The following DIP2C variants were observed in gnomAD, a reference collection of about 807,000 sequenced individuals.
DIP2C encodes the protein DIP2 acetate--CoA ligase C (putative), also known as disco-interacting protein 2 homolog C.
DIP2C carries 33 observed loss-of-function variants against 192.4 expected under a neutral mutation model. The observed-to-expected ratio is 0.17, with a 90% CI of 0.13 to 0.23. DIP2C has a LOEUF of 0.23. Among genes scored for constraint, DIP2C ranks in the 10% least tolerant of loss-of-function variants. The pLI is 1.00. For synonymous variants in DIP2C, 979 were observed against 864.1 expected (o/e 1.13, Z -2.33); for missense variants, 1,537 against 2,110.1 (o/e 0.73, Z 5.32).
At chr10:675,772 G>C (rs11253318) in intron 1 of DIP2C, among the ~76,000 whole-genome samples, 1 of 152,086 alleles carries the variant, frequency 6.6e-6, no homozygotes, top group African/African-American at 2.4e-5. Context: ...GTATGACTAA[G>C]TAATAATAAA....
intron 1 of DIP2C, among the ~76,000 whole-genome samples, chr10:585,013 A>G (rs918142903): frequency 6.1e-5 from 9 of 148,674 alleles, no homozygotes; most frequent in Non-Finnish European, 1.2e-4. Flanking sequence ...GGGGCCCGCA[A>G]CCTGGCCCCC....
chr10:621,215 G>A (rs1397079796), intron 1 of DIP2C, among the ~76,000 whole-genome samples: 1 of 152,080 alleles, frequency 6.6e-6, no homozygotes, highest in Non-Finnish European at 1.5e-5. Context: ...ACACCCCCAG[G>A]TGTGCACACA....
chr10:570,300 A>C (rs1252256707), intron 1 of DIP2C, among the ~76,000 whole-genome samples: 2 of 152,136 alleles, frequency 1.3e-5, no homozygotes, highest in East Asian at 1.9e-4. Context: ...CATTTTATGG[A>C]TCAGGAAACA....
At chr10:299,856 C>T (rs1338132080) in intron 32 of DIP2C, among the ~76,000 whole-genome samples, 3 of 152,052 alleles carry the variant, frequency 2.0e-5, no homozygotes, top group Non-Finnish European at 4.4e-5. Context: ...TGTGGAAAAA[C>T]TTGAATAGTC....
At chr10:392,741 CACA>C (rs1963577595) in intron 10 of DIP2C, among the ~76,000 whole-genome samples, 1 of 31,942 alleles carries the variant, frequency 3.1e-5, no homozygotes, top group Admixed American at 3.7e-4. Context: ...CACACGCGCA[CACA>C]CTCACATACA....
chr10:434,077 A>G (rs1369765966), intron 4 of DIP2C, among the ~76,000 whole-genome samples: 1 of 152,180 alleles, frequency 6.6e-6, no homozygotes, highest in African/African-American at 2.4e-5. Flanking sequence ...AGCACACTAT[A>G]AAAACAAAAT....
At chr10:642,283 G>A (rs1377619442) in intron 1 of DIP2C, among the ~76,000 whole-genome samples, 1 of 152,210 alleles carries the variant, frequency 6.6e-6, no homozygotes, top group Non-Finnish European at 1.5e-5. Flanking sequence ...TGGAGGGCAG[G>A]TGAAGGATGC....
chr10:428,181 T>C (rs2133198922), intron 4 of DIP2C, among the ~76,000 whole-genome samples: 1 of 152,294 alleles, frequency 6.6e-6, no homozygotes, highest in Non-Finnish European at 1.5e-5. Context: ...TCTAAGATCA[T>C]AAAAAACTAA....
chr10:441,022 C>G (rs778520915), intron 3 of DIP2C, 26 bp from the exon 4 acceptor site: 1 of 1,603,416 alleles, frequency 6.2e-7, no homozygotes, highest in South Asian at 1.1e-5. Context: ...CTCAGTCACT[C>G]AGTGCTCAGC....
At chr10:625,901 A>G (rs1253984577) in intron 1 of DIP2C, among the ~76,000 whole-genome samples, 7 of 152,232 alleles carry the variant, frequency 4.6e-5, no homozygotes, top group Admixed American at 4.6e-4. Context: ...TGAAACCATG[A>G]GGCTGACCAC....
At chr10:508,795 G>C (rs71489250) in intron 1 of DIP2C, among the ~76,000 whole-genome samples, 225 of 152,282 alleles carry the variant, frequency 1.5e-3, no homozygotes, top group Non-Finnish European at 1.7e-3. Context: ...ATGGCGAGAC[G>C]AGACTGGCTG....
intron 1 of DIP2C, among the ~76,000 whole-genome samples, chr10:539,377 C>T (rs1210401644): frequency 2.0e-5 from 3 of 152,168 alleles, no homozygotes; most frequent in African/African-American, 4.8e-5. Context: ...AGTTTAACAA[C>T]TATTCACATG....
At chr10:598,396 A>G (rs1302093491) in intron 1 of DIP2C, among the ~76,000 whole-genome samples, 1 of 152,232 alleles carries the variant, frequency 6.6e-6, no homozygotes, top group Non-Finnish European at 1.5e-5. Context: ...GAAGAATCAC[A>G]ACATGGACAT....
chr10:672,385 G>A (rs1337734595), intron 1 of DIP2C, among the ~76,000 whole-genome samples: 1 of 152,206 alleles, frequency 6.6e-6, no homozygotes, highest in Admixed American at 6.5e-5. Flanking sequence ...GGACAGGAAC[G>A]TCCCGGCCAT....
intron 3 of DIP2C, among the ~76,000 whole-genome samples, chr10:467,958 A>G (rs1415945911): frequency 2.0e-5 from 3 of 151,986 alleles, no homozygotes; most frequent in African/African-American, 7.3e-5. Flanking sequence ...ATAATAAAAA[A>G]TATATATAAA....
intron 9 of DIP2C, among the ~76,000 whole-genome samples, chr10:407,258 T>C (rs1964872543): frequency 6.6e-6 from 1 of 152,216 alleles, no homozygotes; most frequent in African/African-American, 2.4e-5. Flanking sequence ...CTTACTTTAC[T>C]AGGCATAGTA....
At chr10:297,733 G>A (rs1336524220) in intron 32 of DIP2C, among the ~76,000 whole-genome samples, 4 of 152,226 alleles carry the variant, frequency 2.6e-5, no homozygotes, top group Admixed American at 6.5e-5. Context: ...GGAAGAATAC[G>A]TTCCAGTGTT....
chr10:394,489 C>CATT (rs1963793907), intron 10 of DIP2C, among the ~76,000 whole-genome samples: 2 of 151,226 alleles, frequency 1.3e-5, no homozygotes, highest in African/African-American at 4.9e-5. Flanking sequence ...ACCGGAAGGA[C>CATT]ATTATGCCAC....
intron 1 of DIP2C, among the ~76,000 whole-genome samples, chr10:619,367 G>C (rs1001801737): frequency 5.3e-5 from 8 of 152,208 alleles, no homozygotes; most frequent in African/African-American, 1.9e-4. Flanking sequence ...CTGGCTCCGG[G>C]GAAGCGACCG....
Sources: allele counts gnomAD v4.1 joint callset (sites outside exome capture counted in the v4.1 genomes callset), GRCh38; gene constraint gnomAD v4.1.1; transcripts MANE v1.5; gene names NCBI Gene and HGNC (gene_info 2026-07-23, HGNC 2026-07-21).